The following GCC2 variants were observed in gnomAD, a reference collection of about 807,000 sequenced individuals.
The protein encoded by GCC2 is GRIP and coiled-coil domain containing 2.
GCC2 carries 120 observed loss-of-function variants against 210.6 expected under a neutral mutation model. That is an observed-to-expected ratio of 0.57 (90% CI 0.49 to 0.66). The LOEUF (loss-of-function observed/expected upper bound fraction) is 0.66, where lower values mean the gene tolerates loss of function less well. Among genes scored for constraint, GCC2 ranks in the 30% least tolerant of loss-of-function variants. The pLI is 0.00. For synonymous variants in GCC2, 703 were observed against 652.7 expected (o/e 1.08, Z -1.17); for missense variants, 1,868 against 1,871.9 (o/e 1.00, Z 0.04).
At chr2:108,505,027 C>T (rs945730054) in intron 22 of GCC2, among the ~76,000 whole-genome samples, 11 of 152,212 alleles carry the variant, frequency 7.2e-5, no homozygotes, top group African/African-American at 2.4e-4. Flanking sequence ...AAACAACCTT[C>T]CAAGGCAAGA....
In GCC2 at chr2:108,461,555, G is replaced by A. The variant is rs571259852; in HGVS notation, c.217-7425G>A. ...AGTTTCACTCTTGTGGCCCAGGCTGGAGTGCAGTGGCGCAATCTTGGCTCA... is the reference window on the plus strand; with the variant it reads ...AGTTTCACTCTTGTGGCCCAGGCTGAAGTGCAGTGGCGCAATCTTGGCTCA... On this transcript the variant is annotated intron_variant, in intron 4 of 22. Transcript: ENST00000309863. Among the ~76,000 whole-genome samples, 39 of 152,168 alleles carry A rather than the reference G, an allele frequency of 2.6e-4. 1 individual carries two copies. In the South Asian group the frequency reaches 7.9e-3, roughly 31 times the overall value.
chr2:108,495,031 T>C lies in GCC2; in HGVS notation c.4448-260T>C, dbSNP rs374008147. Reference sequence around the variant, plus strand: ...TTCACCATCTTGGCCAGGCTGGTCTTGAACTTGCTGACCTCGTGATCCACC... The same window carrying C: ...TTCACCATCTTGGCCAGGCTGGTCTCGAACTTGCTGACCTCGTGATCCACC... On this transcript the variant is annotated intron_variant, in intron 19 of 22. Transcript: ENST00000309863. 1.7e-3 allele frequency: 355 copies of C among 213,116 alleles called. 4 individuals are homozygous for C. Among genetic ancestry groups the C allele is most frequent in the African/African-American group, 4.3e-3 (186 of 42,822 alleles). The allele number at this position is 213,116 out of a possible 1,614,324, so 13.2% of individuals were successfully genotyped here.
At chr2:108,454,774 G>C (rs1275119743) in intron 4 of GCC2, among the ~76,000 whole-genome samples, 1 of 152,188 alleles carries the variant, frequency 6.6e-6, no homozygotes, top group East Asian at 1.9e-4. Flanking sequence ...AAACAGGATT[G>C]ATGTAGAAAT....
intron 16 of GCC2, among the ~76,000 whole-genome samples, chr2:108,487,099 T>TCAAGAAAGTTTACAGATCTTGAGTTTA (rs1682178792): frequency 6.6e-6 from 1 of 152,200 alleles, no homozygotes; most frequent in African/African-American, 2.4e-5. Flanking sequence ...AGTTTACAGA[T>TCAAGAAAGTTTACAGATCTTGAGTTTA]CACTTCAAGA....
chr2:108,479,967 C>A (rs1255165562), intron 9 of GCC2, among the ~76,000 whole-genome samples: 1 of 136,904 alleles, frequency 7.3e-6, no homozygotes, highest in Admixed American at 8.1e-5. Context: ...GGCGACAGAG[C>A]GAGACTCCAT....
intron 8 of GCC2, 24 bp from the exon 9 acceptor site, chr2:108,475,728 T>C (rs1490157437): frequency 3.3e-6 from 5 of 1,537,880 alleles, no homozygotes; most frequent in African/African-American, 2.8e-5. Flanking sequence ...AAAACCTCTT[T>C]AATTTTACTT....
rs1683089646 is a variant in GCC2 at position 108,504,503 on chromosome 2, G to GT, written c.4985-3056dup. Among the ~76,000 whole-genome samples, 3 of 152,280 alleles carry GT rather than the reference G, an allele frequency of 2.0e-5. No individual in the cohort carries two copies. The South Asian group carries it at 6.2e-4, about 32-fold the overall frequency. On this transcript the variant is annotated intron_variant, in intron 22 of 22. Coordinates refer to ENST00000309863, the MANE Select transcript of GCC2 (RefSeq NM_181453.4). ...GTTATAAGGTAAAGTGACTTAGAGT[G>GT]TAACAGTAGTCCCCAAACAATGTCA... is the stretch of plus-strand genomic sequence containing the variant.
At position 108,471,898 on chromosome 2, in the gene GCC2, C is replaced by T. The variant is rs1444078397; in HGVS notation, c.2569C>T (p.Leu857=). Residue 857 remains leucine (L), a synonymous_variant, in exon 6 of 23, where the codon CTG becomes TTG. Transcript: ENST00000309863. ...LEEIQSEKEA[L]QSDLLEMKNA... ...AGAAATACAGTCAGAAAAAGAGGCC[C>T]TGCAGTCTGATCTTCTAGAAATGAA... The T allele has an allele frequency of 4.4e-6, 7 of 1,604,558 alleles. No homozygotes were observed. The highest frequency in any genetic ancestry group is 1.3e-5 in the African/African-American group (1 of 74,240).
chr2:108,470,385 A>G lies in GCC2; in HGVS notation c.1056A>G (p.Lys352=). 6.2e-7 allele frequency: 1 copy of G among 1,606,646 alleles called. No homozygotes were observed. The highest frequency in any genetic ancestry group is 1.3e-5 in the African/African-American group (1 of 74,744). ...TTGAATCTCAACACAGTATCTTAAA[A>G]GATGAGGTAACTTATATGAATAATC... is the stretch of plus-strand genomic sequence containing the variant. The part of the protein sequence containing the change: ...KELESQHSIL[K]DEVTYMNNLK... Residue 352 remains lysine, a synonymous_variant, in exon 6 of 23, where the codon AAA becomes AAG. Transcript: ENST00000309863.
At chr2:108,484,633 A>T (rs1170633336) in intron 13 of GCC2, 2 of 153,730 alleles carry the variant, frequency 1.3e-5, no homozygotes. Flanking sequence ...TCAGCTTTCT[A>T]CATATGGCTA....
chr2:108,492,150 T>A (rs949603653), intron 18 of GCC2, among the ~76,000 whole-genome samples: 4 of 151,954 alleles, frequency 2.6e-5, no homozygotes, highest in Non-Finnish European at 5.9e-5. Context: ...GGTTTTTTTT[T>A]TTTTTAATGT....
chr2:108,453,383 C>A (rs1680063647), intron 4 of GCC2, among the ~76,000 whole-genome samples: 1 of 152,176 alleles, frequency 6.6e-6, no homozygotes, highest in Non-Finnish European at 1.5e-5. Flanking sequence ...TTAAACACAT[C>A]AAATACTTAA....
Position 108,472,873 on chromosome 2 carries a change from CA to C in GCC2, c.2835del (p.Val946Ter). ...SPSVKNDPLS[S>X]VKELEEKIEN... is the part of the protein sequence containing the mutation. ...TCTGTAAAAAATGATCCTCTGTCTT[CA>C]GTAAAAGAGTTGGAAGAAAAAATAG... is the stretch of plus-strand genomic sequence containing the variant. On this transcript the variant is annotated frameshift_variant, in exon 7 of 23. Transcript: ENST00000309863. LOFTEE classifies it high-confidence loss of function. The C allele has an allele frequency of 6.3e-7, 1 of 1,591,506 alleles. No homozygotes were observed. The highest frequency in any genetic ancestry group is 8.6e-7 in the Non-Finnish European group (1 of 1,165,122).
rs1286123700 is a variant in GCC2, at chr2:108,474,079, A to C, written c.2860+1180A>C. ...AGGCTGAGGCAGGAATATGGCATGA[A>C]CCCGGGAGGCAGAGCTTGCAGTGAG... is the stretch of plus-strand genomic sequence containing the variant. On this transcript the variant is annotated intron_variant, in intron 7 of 22. Transcript: ENST00000309863. Among the ~76,000 whole-genome samples the C allele has an allele frequency of 2.6e-5, 4 of 152,036 alleles. No homozygotes were observed. In the East Asian group the frequency reaches 5.8e-4, roughly 22 times the overall value.
chr2:108,484,302 G>T lies in GCC2; in HGVS notation c.3604G>T (p.Glu1202Ter). 6.7e-7 allele frequency: 1 copy of T among 1,494,794 alleles called. No homozygotes were observed. Among genetic ancestry groups the T allele is most frequent in the South Asian group, 1.3e-5 (1 of 79,724 alleles). The allele number at this position is 1,494,794 out of a possible 1,614,324, so 92.6% of individuals were successfully genotyped here. A position where few individuals can be genotyped will look rare whatever the true frequency, so the allele number is the denominator to read the frequency against. The change falls in exon 13 of 23, where the codon GAA (glutamate) becomes TAA (stop). Residue 1202 changes from glutamate to a stop codon, truncating the protein, a stop_gained. Transcript: ENST00000309863. LOFTEE classifies it high-confidence loss of function. ...IQKQKQETLQ[E>*]EITSLQSSVQ... Reference sequence around the variant, plus strand: ...AAAACAGAAACAAGAAACCCTACAAGAAGAAATAAGTGAGTTAAAGAAAAT... The same window carrying T: ...AAAACAGAAACAAGAAACCCTACAATAAGAAATAAGTGAGTTAAAGAAAAT...
chr2:108,504,555 T>C (rs1359073233), intron 22 of GCC2, among the ~76,000 whole-genome samples: 1 of 152,156 alleles, frequency 6.6e-6, no homozygotes, highest in South Asian at 2.1e-4. Context: ...TATAGATTGC[T>C]CCTCTCCTTG....
At chr2:108,463,282 A>C (rs1355744584) in intron 4 of GCC2, among the ~76,000 whole-genome samples, 1 of 151,952 alleles carries the variant, frequency 6.6e-6, no homozygotes. Flanking sequence ...AATGTTTTCT[A>C]TGTCCTTTAC....
rs1462193829 is a variant in GCC2 at position 108,482,307 on chromosome 2, TAATG to T, written c.3204_3207del (p.Asn1068LysfsTer17). ...TTCAGTGTGAAACAATAAATTCTGA[TAATG>T]AAGATCTCCTGGCTCGTATTGAGAC... On this transcript the variant is annotated frameshift_variant, in exon 11 of 23. Coordinates refer to ENST00000309863, the MANE Select transcript of GCC2 (RefSeq NM_181453.4). LOFTEE classifies it high-confidence loss of function. 6.3e-7 allele frequency: 1 copy of T among 1,578,074 alleles called. No homozygotes were observed. Among genetic ancestry groups the T allele is most frequent in the African/African-American group, 1.4e-5 (1 of 73,374 alleles).
In GCC2 at chr2:108,470,633, AAG is replaced by A; in HGVS notation, c.1306_1307del (p.Glu436AsnfsTer6). The A allele has an allele frequency of 6.2e-7, 1 of 1,612,592 alleles. No individual in the cohort carries two copies. Among genetic ancestry groups the A allele is most frequent in the Non-Finnish European group, 8.5e-7 (1 of 1,179,148 alleles). On this transcript the variant is annotated frameshift_variant, in exon 6 of 23. Transcript: ENST00000309863. LOFTEE classifies it high-confidence loss of function. ...CAGAGTCTTAAGGAACAACATCAAA[AAG>A]AAATATCAGAACTAAATGAGACATT...
Sources: gnomAD v4.1 joint callset for allele counts (sites outside exome capture counted in the v4.1 genomes callset) on GRCh38, gnomAD v4.1.1 for gene constraint, MANE v1.5 for transcripts, NCBI Gene and HGNC (gene_info 2026-07-23, HGNC 2026-07-21) for gene names.